ANKS1B: variants seen among roughly 807,000 people sequenced by gnomAD.
ANKS1B encodes ankyrin repeat and sterile alpha motif domain containing 1B.
A neutral mutation model predicts 148.3 loss-of-function variants in ANKS1B; 36 were observed. The ratio of observed to expected loss-of-function variants is 0.24; its 90% CI spans 0.19 to 0.32. ANKS1B has a LOEUF of 0.32. ANKS1B is among the 10% of genes least tolerant of loss of function. The pLI is 1.00. For synonymous variants in ANKS1B, 542 were observed against 560.8 expected (o/e 0.97, Z 0.47); for missense variants, 1,157 against 1,542.6 (o/e 0.75, Z 4.19).
At chr12:99,731,300 G>C (rs566553072) in intron 8 of ANKS1B, among the ~76,000 whole-genome samples, 10 of 152,216 alleles carry the variant, frequency 6.6e-5, no homozygotes, top group African/African-American at 2.4e-4. Context: ...TGTATTTTTA[G>C]TAGAGACGGG....
At chr12:99,963,878 A>C (rs2095449908) in intron 1 of ANKS1B, among the ~76,000 whole-genome samples, 1 of 152,152 alleles carries the variant, frequency 6.6e-6, no homozygotes, top group Admixed American at 6.6e-5. Flanking sequence ...AACAAGAAAA[A>C]CCTACTTGCT....
intron 17 of ANKS1B, among the ~76,000 whole-genome samples, chr12:99,022,975 T>C (rs1039974624): frequency 2.6e-5 from 4 of 152,210 alleles, no homozygotes; most frequent in African/African-American, 9.7e-5. Context: ...TGTATTAACA[T>C]AGTAATACAT....
chr12:99,983,558 G>A (rs2095739741), intron 1 of ANKS1B, among the ~76,000 whole-genome samples: 1 of 152,154 alleles, frequency 6.6e-6, no homozygotes, highest in African/African-American at 2.4e-5. Flanking sequence ...GCCCCATCAA[G>A]TTTTATACAC....
intron 14 of ANKS1B, among the ~76,000 whole-genome samples, chr12:99,201,308 A>G (rs1465218227): frequency 6.6e-6 from 1 of 151,120 alleles, no homozygotes; most frequent in East Asian, 2.0e-4. Context: ...TTTGAAAAAC[A>G]TTATTTCCTG....
intron 1 of ANKS1B, among the ~76,000 whole-genome samples, chr12:99,895,490 A>C (rs717402): frequency 1.3e-5 from 2 of 150,334 alleles, no homozygotes; most frequent in Non-Finnish European, 3.0e-5. Flanking sequence ...TAGGATAGTA[A>C]GAAATAAAGC....
rs147011042 is a variant in ANKS1B, at chr12:99,357,838, C to T, written c.1756+41793G>A. ...AGAAAAGTATCAACTCATATTGTAACTACAATACATGATAAGAATGCCCTT... is the reference window on the plus strand; with the variant it reads ...AGAAAAGTATCAACTCATATTGTAATTACAATACATGATAAGAATGCCCTT... On this transcript the variant is annotated intron_variant, in intron 12 of 26. Transcript: ENST00000683438. Among the ~76,000 whole-genome samples the T allele has an allele frequency of 6.7e-3, 1,025 of 152,046 alleles. 8 individuals carry two copies. The highest frequency in any genetic ancestry group is 0.031 in the Middle Eastern group (9 of 294).
intron 8 of ANKS1B, among the ~76,000 whole-genome samples, chr12:99,764,171 G>A (rs2062427488): frequency 6.6e-6 from 1 of 152,130 alleles, no homozygotes. Flanking sequence ...ATGTGAGTGA[G>A]GAACTATGCT....
intron 8 of ANKS1B, among the ~76,000 whole-genome samples, chr12:99,655,722 A>G (rs1339647103): frequency 6.6e-6 from 1 of 152,186 alleles, no homozygotes; most frequent in Non-Finnish European, 1.5e-5. Flanking sequence ...TTTAGCACAT[A>G]TATTTTCCTT....
At chr12:99,409,960 C>G (rs923469235) in intron 11 of ANKS1B, among the ~76,000 whole-genome samples, 1 of 152,170 alleles carries the variant, frequency 6.6e-6, no homozygotes, top group African/African-American at 2.4e-5. Context: ...TAAAACATAT[C>G]CCTCCACTGT....
At chr12:98,734,824 C>T (rs1373810083) in exon 10 of ANKS1B, 3 of 202,438 alleles carry the variant, frequency 1.5e-5, no homozygotes, top group Non-Finnish European at 3.0e-5. Flanking sequence ...TATTTGTACA[C>T]ACTGTTAGGG....
At chr12:99,017,165 T>A (rs2099943071) in intron 17 of ANKS1B, among the ~76,000 whole-genome samples, 4 of 152,172 alleles carry the variant, frequency 2.6e-5, no homozygotes, top group Admixed American at 2.6e-4. Flanking sequence ...AAATCTAACA[T>A]AGTTGACTCC....
At chr12:99,225,587 G>A (rs967679927) in intron 14 of ANKS1B, among the ~76,000 whole-genome samples, 1 of 152,262 alleles carries the variant, frequency 6.6e-6, no homozygotes, top group South Asian at 2.1e-4. Context: ...AGCTGCCAGC[G>A]TGGCTACAAA....
intron 15 of ANKS1B, among the ~76,000 whole-genome samples, chr12:99,152,177 C>T (rs12825896): frequency 2.6e-5 from 4 of 152,162 alleles, no homozygotes; most frequent in Admixed American, 6.6e-5. Flanking sequence ...AGAAATTAAT[C>T]GCTTATGATA....
chr12:99,116,273 G>GTCT (rs1020009956), intron 15 of ANKS1B, among the ~76,000 whole-genome samples: 10 of 152,128 alleles, frequency 6.6e-5, no homozygotes, highest in African/African-American at 2.2e-4. Context: ...CCTTGTTTGG[G>GTCT]TCTTCTATAC....
At chr12:99,491,731 C>A (rs1186962675) in intron 10 of ANKS1B, among the ~76,000 whole-genome samples, 1 of 152,092 alleles carries the variant, frequency 6.6e-6, no homozygotes, top group Non-Finnish European at 1.5e-5. Flanking sequence ...AGGATTACAG[C>A]CTCTAGCTCC....
chr12:99,742,884 C>A (rs994018242), intron 8 of ANKS1B, among the ~76,000 whole-genome samples: 3 of 150,340 alleles, frequency 2.0e-5, no homozygotes, highest in Non-Finnish European at 3.0e-5. Context: ...AGTTTTTATT[C>A]TCTGGTTGCT....
intron 17 of ANKS1B, among the ~76,000 whole-genome samples, chr12:98,902,602 G>A (rs993158963): frequency 4.6e-5 from 7 of 152,168 alleles, no homozygotes; most frequent in African/African-American, 1.4e-4. Context: ...CATGGACTCC[G>A]ACCGTGGTTC....
intron 15 of ANKS1B, among the ~76,000 whole-genome samples, chr12:99,089,627 T>C (rs926931629): frequency 2.6e-5 from 4 of 151,956 alleles, no homozygotes; most frequent in African/African-American, 9.7e-5. Context: ...TACTCATGAG[T>C]TTTTCTCAGG....
chr12:99,119,381 T>A (rs1052545127), intron 15 of ANKS1B, among the ~76,000 whole-genome samples: 7 of 152,234 alleles, frequency 4.6e-5, no homozygotes, highest in Non-Finnish European at 8.8e-5. Context: ...AAGTGATACT[T>A]ATTTTGAATT....
Sources: gnomAD v4.1 joint callset for allele counts (sites outside exome capture counted in the v4.1 genomes callset) on GRCh38, gnomAD v4.1.1 for gene constraint, MANE v1.5 for transcripts, NCBI Gene and HGNC (gene_info 2026-07-23, HGNC 2026-07-21) for gene names.